The following IFNAR1 variants were observed in gnomAD, a reference collection of about 807,000 sequenced individuals.
The protein encoded by IFNAR1 is interferon alpha/beta receptor 1.
A neutral mutation model predicts 62.1 loss-of-function variants in IFNAR1; 47 were observed. That is an observed-to-expected ratio of 0.76 (90% CI 0.60 to 0.97). IFNAR1 has a LOEUF of 0.97. Among genes scored for constraint, IFNAR1 ranks in the 50% least tolerant of loss-of-function variants. The pLI is 0.00. For missense variants in IFNAR1, 638 were observed against 654.5 expected (o/e 0.97, Z 0.27); for synonymous variants, 219 against 226.9 (o/e 0.97, Z 0.31).
At chr21:33,346,475 C>A (rs1179094548) in intron 6 of IFNAR1, among the ~76,000 whole-genome samples, 1 of 152,210 alleles carries the variant, frequency 6.6e-6, no homozygotes, top group African/African-American at 2.4e-5. Context: ...TATAACCTCA[C>A]AAACCAATCA....
chr21:33,328,280 T>G (rs1379140220), intron 1 of IFNAR1, among the ~76,000 whole-genome samples: 1 of 152,186 alleles, frequency 6.6e-6, no homozygotes, highest in Non-Finnish European at 1.5e-5. Flanking sequence ...AGAGAATAGA[T>G]TGTAACTGTT....
At chr21:33,333,334 A>G (rs1436358425) in intron 1 of IFNAR1, among the ~76,000 whole-genome samples, 2 of 152,214 alleles carry the variant, frequency 1.3e-5, no homozygotes, top group African/African-American at 4.8e-5. Context: ...GAAATGCTCC[A>G]GGGAGTCCTA....
chr21:33,334,933 G>A, intron 1 of IFNAR1: 2 of 1,577,294 alleles, frequency 1.3e-6, no homozygotes, highest in Admixed American at 1.7e-5. Flanking sequence ...TGGGGCAGGG[G>A]GTACCACATC....
chr21:33,330,928 C>G (rs2083172481), intron 1 of IFNAR1, among the ~76,000 whole-genome samples: 1 of 152,214 alleles, frequency 6.6e-6, no homozygotes, highest in Admixed American at 6.5e-5. Flanking sequence ...AGAGTCTGCA[C>G]AGCTGTGTTC....
intron 1 of IFNAR1, chr21:33,334,736 G>A (rs2083216688): frequency 2.5e-6 from 2 of 796,638 alleles, no homozygotes; most frequent in South Asian, 1.3e-5. Flanking sequence ...GATGCGCAGG[G>A]TGATCCAGGT....
At position 33,324,987 on chromosome 21, in the gene IFNAR1, G is replaced by A; in HGVS notation, c.-69G>A. 1 of 1,409,852 alleles carries A rather than the reference G, an allele frequency of 7.1e-7. No individual in the cohort carries two copies. The highest frequency in any genetic ancestry group is 9.8e-7 in the Non-Finnish European group (1 of 1,020,500). 87.3% of individuals were successfully genotyped at this position (1,409,852 alleles called of 1,614,324 possible). A position where few individuals can be genotyped will look rare whatever the true frequency, so the allele number is the denominator to read the frequency against. On this transcript the variant is annotated 5_prime_UTR_variant, in exon 1 of 11. Transcript: ENST00000270139. ...AGAGGGGCGGTGTGACTTAGGACGGGGCGATGGCGGCTGAGAGGAGCTGCG... is the reference window on the plus strand; with the variant it reads ...AGAGGGGCGGTGTGACTTAGGACGGAGCGATGGCGGCTGAGAGGAGCTGCG...
Position 33,335,544 on chromosome 21 carries a change from C to T in IFNAR1, c.97C>T (p.Pro33Ser). Residue 33 changes from proline (P) to serine (S), a missense_variant, in exon 2 of 11, where the codon CCT (proline) becomes TCT (serine). Pro to Ser is a moderately conservative substitution (Grantham distance 74). Transcript: ENST00000270139. ...AAAGGKNLKSPQKVEVDIIDD... is the reference protein window; with the variant it reads ...AAAGGKNLKSSQKVEVDIIDD... The stretch of plus-strand genomic sequence containing the variant: ...TATAGGTGGAAAAAATCTAAAATCT[C>T]CTCAAAAAGTAGAGGTCGACATCAT... The T allele has an allele frequency of 6.3e-7, 1 of 1,597,214 alleles. No individual in the cohort carries two copies. Among genetic ancestry groups the T allele is most frequent in the Non-Finnish European group, 8.6e-7 (1 of 1,168,680 alleles).
chr21:33,329,259 C>T (rs1369860949), intron 1 of IFNAR1, among the ~76,000 whole-genome samples: 1 of 152,150 alleles, frequency 6.6e-6, no homozygotes, highest in Non-Finnish European at 1.5e-5. Context: ...CAAATGCCAT[C>T]AGATCTTTTG....
At chr21:33,338,806 A>C (rs909494719) in intron 2 of IFNAR1, among the ~76,000 whole-genome samples, 2 of 151,084 alleles carry the variant, frequency 1.3e-5, no homozygotes, top group African/African-American at 4.9e-5. Context: ...GCAATGGCGC[A>C]ATCTCGGCTC....
rs2083460609 is a variant in IFNAR1 at position 33,357,555 on chromosome 21, T to G, written c.*2006T>G. 1 of 150,578 alleles carries G rather than the reference T, an allele frequency of 6.6e-6. No individual in the cohort carries two copies. The highest frequency in any genetic ancestry group is 2.5e-5 in the African/African-American group (1 of 40,640). 9.3% of individuals were successfully genotyped at this position (150,578 alleles called of 1,614,324 possible). A position where few individuals can be genotyped will look rare whatever the true frequency, so the allele number is the denominator to read the frequency against. ...GTTTTTTTTTTTTTTTGAGACAGTCTCATTCTGTTGCCCAGGCTGGAGTGC... is the reference window on the plus strand; with the variant it reads ...GTTTTTTTTTTTTTTTGAGACAGTCGCATTCTGTTGCCCAGGCTGGAGTGC... On this transcript the variant is annotated 3_prime_UTR_variant, in exon 11 of 11. Coordinates refer to ENST00000270139, the MANE Select transcript of IFNAR1 (RefSeq NM_000629.3).
intron 1 of IFNAR1, among the ~76,000 whole-genome samples, chr21:33,330,005 G>A (rs1409718113): frequency 6.6e-6 from 1 of 152,202 alleles, no homozygotes; most frequent in Admixed American, 6.5e-5. Context: ...TTGCAGGCTT[G>A]CAACTTCCAG....
intron 1 of IFNAR1, among the ~76,000 whole-genome samples, chr21:33,331,809 A>G (rs2083183859): frequency 6.6e-6 from 1 of 152,090 alleles, no homozygotes; most frequent in Non-Finnish European, 1.5e-5. Context: ...CCTGCTCCCC[A>G]GGCCCAAACC....
At chr21:33,350,603 G>A (rs537016359) in intron 8 of IFNAR1, among the ~76,000 whole-genome samples, 37 of 150,708 alleles carry the variant, frequency 2.5e-4, no homozygotes, top group Admixed American at 2.3e-3. Flanking sequence ...GATAATATAC[G>A]TGTTTCCCAG....
chr21:33,324,892 G>GGT (rs36158718), upstream of IFNAR1: 3,778 of 571,622 alleles, frequency 6.6e-3, 56 homozygotes, highest in South Asian at 0.022. Context: ...GCGGAGGGGC[G>GGT]GTGTGTGTGT....
At chr21:33,338,449 G>T (rs976211958) in intron 2 of IFNAR1, among the ~76,000 whole-genome samples, 5 of 149,028 alleles carry the variant, frequency 3.4e-5, no homozygotes, top group African/African-American at 1.2e-4. Flanking sequence ...CAGGAGAATC[G>T]CTTGAACCCA....
intron 2 of IFNAR1, 90 bp from the exon 3 acceptor site, chr21:33,340,909 G>C (rs1023738146): frequency 1.2e-6 from 1 of 808,752 alleles, no homozygotes; most frequent in Non-Finnish European, 2.0e-6. Flanking sequence ...TAAGAGTTAA[G>C]AAATAACTCT....
chr21:33,356,304 A>G lies in IFNAR1; in HGVS notation c.*755A>G, dbSNP rs2083448104. 1 of 152,200 alleles carries G rather than the reference A, an allele frequency of 6.6e-6. No homozygotes were observed. Among genetic ancestry groups the G allele is most frequent in the South Asian group, 2.1e-4 (1 of 4,832 alleles). 9.4% of individuals were successfully genotyped at this position (152,200 alleles called of 1,614,324 possible). Reference sequence around the variant, plus strand: ...TCATTCTTCCTCGGGAGATATTTCAAACATTTGGTCTTTTCTTTTAACACT... The same window carrying G: ...TCATTCTTCCTCGGGAGATATTTCAGACATTTGGTCTTTTCTTTTAACACT... On this transcript the variant is annotated 3_prime_UTR_variant, in exon 11 of 11. Coordinates refer to ENST00000270139, the MANE Select transcript of IFNAR1 (RefSeq NM_000629.3).
At chr21:33,353,452 A>G (rs1419471714) in intron 9 of IFNAR1, among the ~76,000 whole-genome samples, 186 bp from the exon 10 acceptor site, 2 of 152,176 alleles carry the variant, frequency 1.3e-5, no homozygotes, top group Non-Finnish European at 2.9e-5. Context: ...TCCCACGCCA[A>G]TCTTTAAATG....
At chr21:33,325,354 C>T (rs932479295) in intron 1 of IFNAR1, among the ~76,000 whole-genome samples, 1 of 152,196 alleles carries the variant, frequency 6.6e-6, no homozygotes, top group African/African-American at 2.4e-5. Context: ...GTGTACGGGT[C>T]CTCGGGAGCG....
Sources: gnomAD v4.1 joint callset for allele counts (sites outside exome capture counted in the v4.1 genomes callset) on GRCh38, gnomAD v4.1.1 for gene constraint, MANE v1.5 for transcripts, NCBI Gene and HGNC (gene_info 2026-07-23, HGNC 2026-07-21) for gene names.